Variants in ABI3BP observed in about 807,000 individuals in gnomAD.
ABI3BP encodes target of Nesh-SH3.
A neutral mutation model predicts 268.6 loss-of-function variants in ABI3BP; 216 were observed. The observed-to-expected ratio is 0.80, with a 90% CI of 0.72 to 0.90. The LOEUF is 0.90. Ranked by LOEUF, ABI3BP falls within the 40% of genes least tolerant of loss-of-function variation. The pLI is 0.00. For synonymous variants in ABI3BP, 730 were observed against 730.0 expected (o/e 1.00, Z 0.00); for missense variants, 2,090 against 2,182.4 (o/e 0.96, Z 0.84).
intron 48 of ABI3BP, 111 bp downstream of exon 48, chr3:100,811,119 C>G: frequency 1.2e-6 from 1 of 864,062 alleles, no homozygotes; most frequent in Non-Finnish European, 1.7e-6. Context: ...ACTGCCATGG[C>G]GAAGAGTGAC....
intron 19 of ABI3BP, 45 bp from the exon 20 acceptor site, chr3:100,846,491 G>A: frequency 2.2e-6 from 3 of 1,374,496 alleles, no homozygotes; most frequent in South Asian, 1.3e-5. Flanking sequence ...CAATATTTAG[G>A]CATTTCAGTG....
At chr3:100,796,580 A>T in intron 51 of ABI3BP, 112 bp from the exon 52 acceptor site, 1 of 732,450 alleles carries the variant, frequency 1.4e-6, no homozygotes, top group Non-Finnish European at 2.1e-6. Flanking sequence ...AAGTATTTTT[A>T]CAATGGTTAA....
In ABI3BP at chr3:100,749,209, T is replaced by TAAACAAACAAAC. The variant is rs5851220; in HGVS notation, c.*1285_*1286insGTTTGTTTGTTT. ...TAGGATGAAAGGTTAATTTAGGACATAAACAAACAGTAGATATAATGGGGG... is the reference window on the plus strand; with the variant it reads ...TAGGATGAAAGGTTAATTTAGGACATAAACAAACAAACAAACAAACAGTAGATATAATGGGGG... On this transcript the variant is annotated 3_prime_UTR_variant, in exon 68 of 68. Transcript: ENST00000471714. 1 of 105,064 alleles carries TAAACAAACAAAC rather than the reference T, an allele frequency of 9.5e-6. No homozygotes were observed. Among genetic ancestry groups the TAAACAAACAAAC allele is most frequent in the African/African-American group, 3.7e-5 (1 of 27,168 alleles). 6.5% of individuals were successfully genotyped at this position (105,064 alleles called of 1,614,324 possible). A position where few individuals can be genotyped will look rare whatever the true frequency, so the allele number is the denominator to read the frequency against.
chr3:100,907,552 C>A (rs997654766), intron 2 of ABI3BP, among the ~76,000 whole-genome samples: 1 of 151,996 alleles, frequency 6.6e-6, no homozygotes, highest in Non-Finnish European at 1.5e-5. Flanking sequence ...GTATTAGTAA[C>A]AATGGTGATT....
At chr3:100,852,705 C>T (rs550323377) in intron 14 of ABI3BP, among the ~76,000 whole-genome samples, 31 of 152,178 alleles carry the variant, frequency 2.0e-4, no homozygotes, top group Non-Finnish European at 4.1e-4. Flanking sequence ...GCTTTCTGTG[C>T]TTCTCCATAC....
At chr3:100,954,166 TC>T (rs1562011635) in intron 1 of ABI3BP, among the ~76,000 whole-genome samples, 1 of 152,222 alleles carries the variant, frequency 6.6e-6, no homozygotes, top group Non-Finnish European at 1.5e-5. Context: ...ATTATTAATT[TC>T]TTTTAATTAT....
chr3:100,990,184 T>A (rs1215846155), intron 1 of ABI3BP, among the ~76,000 whole-genome samples: 1 of 152,226 alleles, frequency 6.6e-6, no homozygotes, highest in Non-Finnish European at 1.5e-5. Flanking sequence ...TCTTACATTT[T>A]GAATACAAGA....
Position 100,926,472 on chromosome 3 carries a change from G to T in ABI3BP, c.89C>A (p.Pro30Gln). The change falls in exon 2 of 68, where the codon CCA becomes CAA. Residue 30 changes from proline (P) to glutamine (Q), a missense_variant. Transcript: ENST00000471714. ...NAQKLPKGKR[P>Q]NLKVHINTTS... ...GGTATTGATGTGGACTTTGAGGTTT[G>T]GCCTTTTACCTAACAATGGGAATGA... The T allele has an allele frequency of 6.2e-7, 1 of 1,612,872 alleles. No individual in the cohort carries two copies. Among genetic ancestry groups the T allele is most frequent in the Non-Finnish European group, 8.5e-7 (1 of 1,179,242 alleles).
intron 50 of ABI3BP, among the ~76,000 whole-genome samples, chr3:100,807,607 G>C (rs2097750202): frequency 6.6e-6 from 1 of 151,956 alleles, no homozygotes; most frequent in African/African-American, 2.4e-5. Context: ...CCTAATGACA[G>C]AGATTCTGAG....
Position 100,840,810 on chromosome 3 carries a change from A to G in ABI3BP, c.1804+10T>C. On this transcript the variant is annotated intron_variant, in intron 22 of 67. Transcript: ENST00000471714. ...AAGAAACAAAGGTCACCCACTCAATACTCTATTACCTAATGTTGTTGAAGG... is the reference window on the plus strand; with the variant it reads ...AAGAAACAAAGGTCACCCACTCAATGCTCTATTACCTAATGTTGTTGAAGG... The G allele has an allele frequency of 6.5e-7, 1 of 1,533,260 alleles. No homozygotes were observed. Among genetic ancestry groups the G allele is most frequent in the South Asian group, 1.2e-5 (1 of 83,682 alleles). The allele number at this position is 1,533,260 out of a possible 1,614,324, so 95.0% of individuals were successfully genotyped here. A position where few individuals can be genotyped will look rare whatever the true frequency, so the allele number is the denominator to read the frequency against.
In ABI3BP at chr3:100,817,475, G is replaced by A; in HGVS notation, c.3109C>T (p.Pro1037Ser). The A allele has an allele frequency of 6.6e-7, 1 of 1,509,932 alleles. No individual in the cohort carries two copies. The highest frequency in any genetic ancestry group is 8.9e-7 in the Non-Finnish European group (1 of 1,129,942). 93.5% of individuals were successfully genotyped at this position (1,509,932 alleles called of 1,614,324 possible). Residue 1037 changes from proline to serine, a missense_variant, in exon 42 of 68, where the codon CCT becomes TCT. Physicochemically the swap from Pro to Ser is moderately conservative, Grantham distance 74. Coordinates refer to ENST00000471714, the MANE Select transcript of ABI3BP (RefSeq NM_001375547.2). ...GGAAACTTGGTTCTAAAAGTGTCAG[G>A]TTCAAGGACTGTAGTAACAACTAGA... ...KTMVVTTVLE[P>S]DTFRTKFPET...
chr3:100,901,262 A>G (rs2050159809), intron 3 of ABI3BP, among the ~76,000 whole-genome samples: 3 of 152,226 alleles, frequency 2.0e-5, no homozygotes, highest in Admixed American at 6.5e-5. Flanking sequence ...AGTGGAAATC[A>G]GCAGAAAGAG....
chr3:100,829,292 T>A (rs2098443669), intron 33 of ABI3BP, among the ~76,000 whole-genome samples: 1 of 152,160 alleles, frequency 6.6e-6, no homozygotes. Flanking sequence ...CTCCTATAGT[T>A]AACAAGAAAT....
intron 14 of ABI3BP, among the ~76,000 whole-genome samples, chr3:100,853,634 G>A (rs1024708071): frequency 6.6e-6 from 1 of 152,054 alleles, no homozygotes; most frequent in African/African-American, 2.4e-5. Flanking sequence ...TCTGTATTTA[G>A]TTCCAAAAGA....
At chr3:100,977,370 T>C (rs188969607) in intron 1 of ABI3BP, among the ~76,000 whole-genome samples, 7 of 152,320 alleles carry the variant, frequency 4.6e-5, no homozygotes, top group Non-Finnish European at 1.0e-4. Context: ...TGGGAGGAGC[T>C]GAACTGGGCA....
At chr3:100,963,716 C>T (rs993476130) in intron 1 of ABI3BP, among the ~76,000 whole-genome samples, 2 of 152,204 alleles carry the variant, frequency 1.3e-5, no homozygotes, top group African/African-American at 4.8e-5. Flanking sequence ...GTGCTCCAGT[C>T]GCACTGGCCA....
At chr3:100,774,091 A>T (rs1222019302) in intron 61 of ABI3BP, among the ~76,000 whole-genome samples, 2 of 152,200 alleles carry the variant, frequency 1.3e-5, no homozygotes, top group African/African-American at 4.8e-5. Flanking sequence ...AAAGGGCTCT[A>T]TGTCATATTG....
At chr3:100,855,454 G>T (rs1320559996) in intron 14 of ABI3BP, among the ~76,000 whole-genome samples, 1 of 152,146 alleles carries the variant, frequency 6.6e-6, no homozygotes, top group Non-Finnish European at 1.5e-5. Flanking sequence ...CTCATTAATG[G>T]AGAAATTGTG....
chr3:100,771,183 G>A (rs1006464783), intron 61 of ABI3BP, among the ~76,000 whole-genome samples: 10 of 152,116 alleles, frequency 6.6e-5, no homozygotes, highest in Admixed American at 2.6e-4. Context: ...GCTAATATCC[G>A]AAAGTAATTT....
Sources: gnomAD v4.1 joint callset for allele counts (sites outside exome capture counted in the v4.1 genomes callset) on GRCh38, gnomAD v4.1.1 for gene constraint, MANE v1.5 for transcripts, NCBI Gene and HGNC (gene_info 2026-07-23, HGNC 2026-07-21) for gene names.